Variants in CEP128 observed in about 807,000 individuals in gnomAD.
CEP128 encodes the protein centrosomal protein 128kDa.
A neutral mutation model predicts 156.7 loss-of-function variants in CEP128; 132 were observed. The ratio of observed to expected loss-of-function variants is 0.84; its 90% CI spans 0.73 to 0.97. The LOEUF is 0.97. Among genes scored for constraint, CEP128 ranks in the 50% least tolerant of loss-of-function variants. CEP128 has a pLI of 0.00. For synonymous variants in CEP128, 469 were observed against 448.9 expected (o/e 1.04, Z -0.57); for missense variants, 1,252 against 1,281.9 (o/e 0.98, Z 0.36).
At chr14:80,949,548 A>G (rs1234378288) in intron 2 of CEP128, among the ~76,000 whole-genome samples, 1 of 152,206 alleles carries the variant, frequency 6.6e-6, no homozygotes, top group Non-Finnish European at 1.5e-5. Context: ...CCCACCAGCC[A>G]GATTTGAAAT....
intron 8 of CEP128, among the ~76,000 whole-genome samples, chr14:80,877,773 C>T (rs1261354027): frequency 1.3e-5 from 2 of 152,136 alleles, no homozygotes; most frequent in African/African-American, 2.4e-5. Context: ...GCTATATCCT[C>T]CCCTTAAGAC....
chr14:80,838,042 G>A (rs1886170611), intron 11 of CEP128, among the ~76,000 whole-genome samples, 162 bp downstream of exon 11: 1 of 152,178 alleles, frequency 6.6e-6, no homozygotes, highest in South Asian at 2.1e-4. Context: ...GAATTTCCCT[G>A]AAAGAATTTT....
chr14:80,804,953 GA>G (rs1884088951), intron 13 of CEP128, among the ~76,000 whole-genome samples: 1 of 152,076 alleles, frequency 6.6e-6, no homozygotes, highest in Non-Finnish European at 1.5e-5. Flanking sequence ...CAAGGGCAAT[GA>G]AAAATACAAG....
intron 19 of CEP128, among the ~76,000 whole-genome samples, chr14:80,720,430 T>C (rs965018423): frequency 7.9e-5 from 12 of 152,128 alleles, no homozygotes; most frequent in Non-Finnish European, 1.3e-4. Context: ...TAAGGAGATA[T>C]TGTGTCATTC....
Position 80,580,411 on chromosome 14 carries a change from T to C in CEP128, c.2819A>G (p.Glu940Gly), listed in dbSNP as rs762657593. 29 of 1,597,880 alleles carry C rather than the reference T, an allele frequency of 1.8e-5. No homozygotes were observed. In the African/African-American group the frequency reaches 3.1e-4, roughly 17 times the overall value. ...CATTTCTTCATCTTTTCTTTGGGTC[T>C]CTTCCAGTAGATCTGTAATAAGAAA... is the stretch of plus-strand genomic sequence containing the variant. ...IHREKRDLLE[E>G]TQRKDEEMGS... is the part of the protein sequence containing the mutation. The change falls in exon 20 of 25, where the codon GAG (glutamate) becomes GGG (glycine). Residue 940 changes from glutamate to glycine, a missense_variant. Transcript: ENST00000555265.
intron 8 of CEP128, among the ~76,000 whole-genome samples, chr14:80,875,351 G>T (rs114321958): frequency 6.6e-6 from 1 of 152,156 alleles, no homozygotes; most frequent in Non-Finnish European, 1.5e-5. Context: ...ATTCTCATAC[G>T]TAATAATGTC....
intron 19 of CEP128, among the ~76,000 whole-genome samples, chr14:80,668,728 G>A (rs1463259693): frequency 6.6e-6 from 1 of 152,114 alleles, no homozygotes; most frequent in Non-Finnish European, 1.5e-5. Flanking sequence ...GGGTGATATG[G>A]TTTGGCTGTG....
At chr14:80,607,953 C>T (rs1007048874) in intron 19 of CEP128, among the ~76,000 whole-genome samples, 1 of 152,210 alleles carries the variant, frequency 6.6e-6, no homozygotes, top group Non-Finnish European at 1.5e-5. Flanking sequence ...TCCACGCAGT[C>T]TCAGCTCCAG....
At chr14:80,861,167 A>G (rs1407128036) in intron 9 of CEP128, among the ~76,000 whole-genome samples, 1 of 152,062 alleles carries the variant, frequency 6.6e-6, no homozygotes, top group Non-Finnish European at 1.5e-5. Context: ...ACTATCTGGC[A>G]CTACTTATAG....
At chr14:80,884,262 G>A (rs28850656) in intron 8 of CEP128, among the ~76,000 whole-genome samples, 62,050 of 151,998 alleles carry the variant, frequency 0.41, 13,040 homozygotes, top group South Asian at 0.51. Flanking sequence ...TGCACACAGC[G>A]AAGTTAGCAA....
chr14:80,574,472 G>A (rs1485898086), intron 20 of CEP128, among the ~76,000 whole-genome samples: 1 of 152,166 alleles, frequency 6.6e-6, no homozygotes, highest in Non-Finnish European at 1.5e-5. Context: ...TCCTTACCAG[G>A]AGGATTAGCC....
intron 19 of CEP128, among the ~76,000 whole-genome samples, chr14:80,602,599 G>T (rs533143079): frequency 6.6e-6 from 1 of 151,994 alleles, no homozygotes; most frequent in Non-Finnish European, 1.5e-5. Flanking sequence ...ATGAAACTCC[G>T]TCTCTTCTAA....
intron 10 of CEP128, among the ~76,000 whole-genome samples, 170 bp downstream of exon 10, chr14:80,840,512 A>C (rs1463401808): frequency 6.6e-6 from 1 of 152,154 alleles, no homozygotes; most frequent in Non-Finnish European, 1.5e-5. Context: ...ATCTGTTTTC[A>C]AGAGCAAGTC....
At chr14:80,950,229 C>G (rs958627573) in intron 2 of CEP128, among the ~76,000 whole-genome samples, 6 of 152,138 alleles carry the variant, frequency 3.9e-5, no homozygotes, top group Non-Finnish European at 8.8e-5. Flanking sequence ...GAAACATCCA[C>G]CCACAGAACT....
At chr14:80,531,151 C>T (rs1030623685) in intron 21 of CEP128, among the ~76,000 whole-genome samples, 4 of 152,164 alleles carry the variant, frequency 2.6e-5, no homozygotes, top group African/African-American at 9.7e-5. Context: ...TTGCTTTCAA[C>T]TGATATGCTA....
intron 9 of CEP128, 77 bp downstream of exon 9, chr14:80,862,680 T>G (rs1423384435): frequency 2.1e-6 from 2 of 936,346 alleles, no homozygotes; most frequent in East Asian, 4.8e-5. Flanking sequence ...TACTGTCACA[T>G]GCAATAACCA....
intron 2 of CEP128, among the ~76,000 whole-genome samples, chr14:80,956,095 C>T (rs1405703356): frequency 6.6e-6 from 1 of 152,198 alleles, no homozygotes; most frequent in African/African-American, 2.4e-5. Context: ...CTTTGGTGTA[C>T]AATGACCGTG....
At chr14:80,933,903 A>G (rs750603793) in intron 2 of CEP128, among the ~76,000 whole-genome samples, 9 of 152,198 alleles carry the variant, frequency 5.9e-5, no homozygotes, top group Non-Finnish European at 8.8e-5. Context: ...AGAGATTAGT[A>G]GCTAGAAAGG....
At chr14:80,955,357 G>C (rs1257367388) in intron 2 of CEP128, 2 of 481,640 alleles carry the variant, frequency 4.2e-6, no homozygotes, top group South Asian at 4.2e-5. Flanking sequence ...GGGGTGGGGG[G>C]GCGGGCTGGA....
Sources: allele counts gnomAD v4.1 joint callset (sites outside exome capture counted in the v4.1 genomes callset), GRCh38; gene constraint gnomAD v4.1.1; transcripts MANE v1.5; gene names NCBI Gene and HGNC (gene_info 2026-07-23, HGNC 2026-07-21).